CFAP299: variants seen among roughly 807,000 people sequenced by gnomAD.
CFAP299 encodes the protein cilia- and flagella-associated protein 299.
In CFAP299, 21 loss-of-function variants were observed where a neutral mutation model predicts 27.0. The observed-to-expected ratio is 0.78, with a 90% CI of 0.55 to 1.12. The LOEUF (loss-of-function observed/expected upper bound fraction) is 1.12. Ranked by LOEUF, CFAP299 falls within the 50% of genes most tolerant of loss-of-function variation. The pLI is 0.00. For missense variants in CFAP299, 310 were observed against 276.6 expected (o/e 1.12, Z -0.86); for synonymous variants, 104 against 98.1 (o/e 1.06, Z -0.36).
chr4:80,769,949 C>T (rs1726115932), intron 3 of CFAP299, among the ~76,000 whole-genome samples: 1 of 152,206 alleles, frequency 6.6e-6, no homozygotes, highest in Non-Finnish European at 1.5e-5. Flanking sequence ...ATTAATCTCT[C>T]TGGCTCTCTG....
At chr4:80,707,739 C>A (rs1398742328) in intron 3 of CFAP299, among the ~76,000 whole-genome samples, 1 of 152,062 alleles carries the variant, frequency 6.6e-6, no homozygotes, top group Non-Finnish European at 1.5e-5. Flanking sequence ...AAAATCAATT[C>A]TAGCGTACCA....
chr4:80,937,441 T>C (rs1736969489), intron 4 of CFAP299, among the ~76,000 whole-genome samples: 1 of 150,610 alleles, frequency 6.6e-6, no homozygotes, highest in African/African-American at 2.4e-5. Flanking sequence ...CTTAACCTCC[T>C]GAGTTTCTGG....
At chr4:80,689,981 A>C (rs1720544068) in intron 3 of CFAP299, among the ~76,000 whole-genome samples, 2 of 149,962 alleles carry the variant, frequency 1.3e-5, no homozygotes, top group South Asian at 4.1e-4. Flanking sequence ...TCAATTCAAC[A>C]AGAAGAGCTA....
At chr4:80,876,618 TA>T (rs1733392621) in intron 4 of CFAP299, among the ~76,000 whole-genome samples, 1 of 152,196 alleles carries the variant, frequency 6.6e-6, no homozygotes, top group African/African-American at 2.4e-5. Flanking sequence ...AAAAAACCTG[TA>T]TCATTAAAGT....
chr4:80,861,821 C>T (rs1239729353), intron 3 of CFAP299, among the ~76,000 whole-genome samples: 3 of 152,018 alleles, frequency 2.0e-5, no homozygotes, highest in Admixed American at 2.0e-4. Flanking sequence ...TAGCATAAAA[C>T]CCATCTTTTC....
At chr4:80,644,276 A>G (rs981752428) in intron 3 of CFAP299, among the ~76,000 whole-genome samples, 6 of 152,180 alleles carry the variant, frequency 3.9e-5, no homozygotes, top group African/African-American at 1.4e-4. Flanking sequence ...ACAAGCTATT[A>G]GCATCGATTA....
chr4:80,861,612 T>A (rs1454141856), intron 3 of CFAP299, among the ~76,000 whole-genome samples: 3 of 152,240 alleles, frequency 2.0e-5, no homozygotes, highest in African/African-American at 7.2e-5. Context: ...TTTTAAGTAA[T>A]GAAAGATACC....
intron 2 of CFAP299, among the ~76,000 whole-genome samples, chr4:80,576,191 A>ATATATATATATAT (rs1308158560): frequency 6.7e-5 from 2 of 29,682 alleles, no homozygotes; most frequent in African/African-American, 2.1e-4. Flanking sequence ...TAATAATAAA[A>ATATATATATATAT]AAAAAAATAT....
chr4:80,613,653 A>G (rs75218622), intron 3 of CFAP299, among the ~76,000 whole-genome samples: 9 of 152,238 alleles, frequency 5.9e-5, no homozygotes, highest in African/African-American at 2.2e-4. Context: ...CACTTGCATC[A>G]GAATCACCTA....
chr4:80,891,780 A>AT (rs1413083055), intron 4 of CFAP299, among the ~76,000 whole-genome samples: 30 of 114,244 alleles, frequency 2.6e-4, no homozygotes, highest in African/African-American at 1.4e-3. Flanking sequence ...AAAAAAATTA[A>AT]AAAAAAAATA....
intron 2 of CFAP299, among the ~76,000 whole-genome samples, chr4:80,577,556 C>T (rs1199339480): frequency 6.6e-6 from 1 of 151,966 alleles, no homozygotes; most frequent in East Asian, 1.9e-4. Flanking sequence ...GTGCATGCCA[C>T]CACCGCCAGC....
At chr4:80,754,345 T>C (rs963182125) in intron 3 of CFAP299, among the ~76,000 whole-genome samples, 2 of 152,160 alleles carry the variant, frequency 1.3e-5, no homozygotes, top group Non-Finnish European at 2.9e-5. Context: ...CAAGCTCTTG[T>C]TCCTCTACCG....
intron 3 of CFAP299, among the ~76,000 whole-genome samples, chr4:80,702,819 C>A (rs185455393): frequency 6.6e-6 from 1 of 151,778 alleles, no homozygotes; most frequent in Non-Finnish European, 1.5e-5. Flanking sequence ...AAACTCAAAA[C>A]AATTCCAATC....
At chr4:80,849,247 C>A (rs1324485162) in intron 3 of CFAP299, among the ~76,000 whole-genome samples, 1 of 152,054 alleles carries the variant, frequency 6.6e-6, no homozygotes, top group African/African-American at 2.4e-5. Context: ...TACACCGGGT[C>A]AGGATCATCA....
intron 2 of CFAP299, among the ~76,000 whole-genome samples, chr4:80,459,590 T>C (rs1191440341): frequency 1.3e-5 from 2 of 152,204 alleles, no homozygotes; most frequent in Non-Finnish European, 2.9e-5. Context: ...TCAAATTCTT[T>C]CTTCTGACGA....
At chr4:80,341,516 C>G (rs946153514) in intron 1 of CFAP299, among the ~76,000 whole-genome samples, 1 of 152,172 alleles carries the variant, frequency 6.6e-6, no homozygotes, top group African/African-American at 2.4e-5. Context: ...ACAGCCTTCA[C>G]TGGTGATACC....
rs148592741 is a variant in CFAP299, at chr4:80,896,497, A to G, written c.476+26362A>G. 3.4e-3 allele frequency among the ~76,000 whole-genome samples: 511 copies of G among 151,812 alleles called. 2 individuals are homozygous for G. The highest frequency in any genetic ancestry group is 0.012 in the African/African-American group (478 of 41,174). The stretch of plus-strand genomic sequence containing the variant: ...ACTCTTCAGATCAGACACACAAATT[A>G]ACATGTGGCTTCTGTGGGCTTACTG... On this transcript the variant is annotated intron_variant, in intron 4 of 5. Coordinates refer to ENST00000358105, the MANE Select transcript of CFAP299 (RefSeq NM_152770.3).
chr4:80,930,744 A>C (rs1378993581), intron 4 of CFAP299, among the ~76,000 whole-genome samples: 1 of 151,782 alleles, frequency 6.6e-6, no homozygotes, highest in Admixed American at 6.6e-5. Flanking sequence ...CTTGCTGGCC[A>C]CTCCTTTTCC....
At chr4:80,530,103 C>T (rs995894682) in intron 2 of CFAP299, among the ~76,000 whole-genome samples, 5 of 152,034 alleles carry the variant, frequency 3.3e-5, no homozygotes, top group East Asian at 1.9e-4. Flanking sequence ...GTCACACATT[C>T]GTCGAAAATA....
Sources: gnomAD v4.1 joint callset for allele counts (sites outside exome capture counted in the v4.1 genomes callset) on GRCh38, gnomAD v4.1.1 for gene constraint, MANE v1.5 for transcripts, NCBI Gene and HGNC (gene_info 2026-07-23, HGNC 2026-07-21) for gene names.